Variants in NPR1 observed in about 807,000 individuals in gnomAD.
The protein encoded by NPR1 is natriuretic peptide receptor 1.
Under a neutral mutation model 116.9 loss-of-function variants are expected in NPR1, and 57 were observed. The ratio of observed to expected loss-of-function variants is 0.49; its 90% CI spans 0.39 to 0.61. The LOEUF (loss-of-function observed/expected upper bound fraction) is 0.61, where lower values mean the gene tolerates loss of function less well. Ranked by LOEUF, NPR1 falls within the 20% of genes least tolerant of loss-of-function variation. The pLI is 0.00. For synonymous variants in NPR1, 555 were observed against 601.6 expected (o/e 0.92, Z 1.13); for missense variants, 1,096 against 1,409.8 (o/e 0.78, Z 3.56).
chr1:153,688,811 C>T lies in NPR1; in HGVS notation c.2418-142C>T, dbSNP rs967417442. 3.7e-5 allele frequency: 36 copies of T among 962,180 alleles called. No individual in the cohort carries two copies. In the African/African-American group the frequency reaches 5.2e-4, roughly 14 times the overall value. The allele number at this position is 962,180 out of a possible 1,614,324, so 59.6% of individuals were successfully genotyped here. A position where few individuals can be genotyped will look rare whatever the true frequency, so the allele number is the denominator to read the frequency against. On this transcript the variant is annotated intron_variant, in intron 15 of 21. Coordinates refer to ENST00000368680, the MANE Select transcript of NPR1 (RefSeq NM_000906.4). ...TCTTCCTTCTGTTTTCCCCTGCTCC[C>T]CGGTATCCTGCTATGCCCTCAACCC...
At chr1:153,684,386 C>CTTTT (rs58272090) in intron 7 of NPR1, among the ~76,000 whole-genome samples, 2,045 of 88,952 alleles carry the variant, frequency 0.023, no homozygotes, top group Non-Finnish European at 0.029. Context: ...TTCTTTCTTT[C>CTTTT]TTTTTTTTTT....
Position 153,693,534 on chromosome 1 carries a change from C to A in NPR1, c.*120C>A. 1 of 855,640 alleles carries A rather than the reference C, an allele frequency of 1.2e-6. No homozygotes were observed. The highest frequency in any genetic ancestry group is 1.8e-6 in the Non-Finnish European group (1 of 548,818). 53.0% of individuals were successfully genotyped at this position (855,640 alleles called of 1,614,324 possible). On this transcript the variant is annotated 3_prime_UTR_variant, in exon 22 of 22. Transcript: ENST00000368680. ...CAAAGGATGGAAGTAATTTGAATAGCTCAGGTGTGCTGACCCCAGTGAAGA... is the reference window on the plus strand; with the variant it reads ...CAAAGGATGGAAGTAATTTGAATAGATCAGGTGTGCTGACCCCAGTGAAGA...
chr1:153,687,835 A>G (rs1171281104), intron 14 of NPR1, 46 bp downstream of exon 14: 1 of 1,533,548 alleles, frequency 6.5e-7, no homozygotes, highest in African/African-American at 1.4e-5. Context: ...GTCTCAACGA[A>G]CCCCAGCCCC....
chr1:153,684,386 CTTTTTTT>C (rs58272090), intron 7 of NPR1, among the ~76,000 whole-genome samples: 6 of 89,014 alleles, frequency 6.7e-5, no homozygotes, highest in Admixed American at 4.9e-4. Flanking sequence ...TTCTTTCTTT[CTTTTTTT>C]TTTTTTTTTT....
At chr1:153,691,557 A>G (rs979207694) in intron 20 of NPR1, among the ~76,000 whole-genome samples, 5 of 152,154 alleles carry the variant, frequency 3.3e-5, no homozygotes, top group Non-Finnish European at 7.4e-5. Context: ...GGGCTGTCAG[A>G]GTACAGCCCC....
Position 153,679,241 on chromosome 1 carries a change from A to G in NPR1, c.133A>G (p.Asn45Asp). 1 of 1,527,920 alleles carries G rather than the reference A, an allele frequency of 6.5e-7. No individual in the cohort carries two copies. The allele number at this position is 1,527,920 out of a possible 1,614,324, so 94.6% of individuals were successfully genotyped here. Residue 45 changes from asparagine to aspartate, a missense_variant, in exon 1 of 22, where the codon AAT (asparagine) becomes GAT (aspartate). Physicochemically the swap from Asn to Asp is conservative, Grantham distance 23. Coordinates refer to ENST00000368680, the MANE Select transcript of NPR1 (RefSeq NM_000906.4). The surrounding 1 kb of genome is among the most constrained non-coding windows in gnomAD (Gnocchi z 4.2). ...GGTAGCCGTGGTACTGCCGCTGGCC[A>G]ATACCTCGTACCCCTGGTCGTGGGC... ...LTVAVVLPLA[N>D]TSYPWSWARV...
intron 15 of NPR1, 147 bp from the exon 16 acceptor site, chr1:153,688,806 G>C: frequency 1.1e-6 from 1 of 901,344 alleles, no homozygotes; most frequent in Non-Finnish European, 1.7e-6. Context: ...GTTTTCCCCT[G>C]CTCCCCGGTA....
Position 153,681,810 on chromosome 1 carries a change from C to T in NPR1, c.1142C>T (p.Thr381Ile). 15 of 1,614,028 alleles carry T rather than the reference C, an allele frequency of 9.3e-6. No individual in the cohort carries two copies. Among genetic ancestry groups the T allele is most frequent in the Non-Finnish European group, 1.2e-5 (14 of 1,180,010 alleles). The change falls in exon 4 of 22, where the codon ACT becomes ATT. Residue 381 changes from threonine to isoleucine, a missense_variant. Physicochemically the swap from Thr to Ile is moderately conservative, Grantham distance 89. Coordinates refer to ENST00000368680, the MANE Select transcript of NPR1 (RefSeq NM_000906.4). The stretch of plus-strand genomic sequence containing the variant: ...ACTGTTACTGATGGGGAGAACATCA[C>T]TCAGCGGATGTGGAACCGAAGCTTT... ...GGTVTDGENI[T>I]QRMWNRSFQG...
At position 153,693,305 on chromosome 1, in the gene NPR1, G is replaced by A. The variant is rs765622877; in HGVS notation, c.3124-47G>A. ...TCCCTAAGGCTCTCATCTGACTGGG[G>A]AAAGGGCATGTGCCACTCCCCAGCC... On this transcript the variant is annotated intron_variant, in intron 21 of 21. Transcript: ENST00000368680. 1.9e-6 allele frequency: 3 copies of A among 1,607,894 alleles called. No individual in the cohort carries two copies. In the East Asian group the frequency reaches 6.7e-5, roughly 36 times the overall value.
chr1:153,683,913 C>G, intron 7 of NPR1, 89 bp downstream of exon 7: 2 of 1,193,008 alleles, frequency 1.7e-6, no homozygotes, highest in Non-Finnish European at 2.5e-6. Flanking sequence ...GGGAAGAGGG[C>G]AGGGGTGAAG....
At chr1:153,688,902 A>G in intron 15 of NPR1, 51 bp from the exon 16 acceptor site, 2 of 1,610,978 alleles carry the variant, frequency 1.2e-6, no homozygotes, top group Non-Finnish European at 1.7e-6. Flanking sequence ...CGCTCACGGT[A>G]GGCTGTGCTG....
intron 13 of NPR1, 98 bp downstream of exon 13, chr1:153,687,454 C>G (rs1669963179): frequency 2.6e-6 from 4 of 1,510,588 alleles, no homozygotes; most frequent in Non-Finnish European, 2.7e-6. Flanking sequence ...CTTGTCCTGA[C>G]TCCAGCCTCA....
In NPR1 at chr1:153,685,004, C is replaced by T. The variant is rs760801548; in HGVS notation, c.1525C>T (p.Arg509Trp). The T allele has an allele frequency of 2.5e-6, 4 of 1,614,010 alleles. No homozygotes were observed. Among genetic ancestry groups the T allele is most frequent in the South Asian group, 2.2e-5 (2 of 91,074 alleles). ...LEKELASELW[R>W]VRWEDVEPSS... ...GAAGGAACTGGCCTCGGAGCTGTGG[C>T]GGGTGCGCTGGGAGGACGTTGAGCC... The change falls in exon 8 of 22, where the codon CGG (arginine) becomes TGG (tryptophan). Residue 509 changes from arginine to tryptophan, a missense_variant. Arg to Trp is a moderately radical substitution (Grantham distance 101). Transcript: ENST00000368680.
At position 153,679,488 on chromosome 1, in the gene NPR1, G is replaced by C; in HGVS notation, c.380G>C (p.Arg127Pro). 1 of 1,539,164 alleles carries C rather than the reference G, an allele frequency of 6.5e-7. No homozygotes were observed. The highest frequency in any genetic ancestry group is 1.2e-5 in the South Asian group (1 of 84,266). ...GCVYAAAPVG[R>P]FTAHWRVPLL... ...GTGTACGCCGCCGCCCCAGTGGGGC[G>C]CTTCACCGCGCACTGGCGGGTCCCG... The change falls in exon 1 of 22, where the codon CGC becomes CCC. Residue 127 changes from arginine (R) to proline (P), a missense_variant. Coordinates refer to ENST00000368680, the MANE Select transcript of NPR1 (RefSeq NM_000906.4). This position sits in a 1 kb window ranked among gnomAD's most constrained non-coding sequence, Gnocchi z 4.2.
In NPR1 at chr1:153,689,949, G is replaced by A; in HGVS notation, c.2901G>A (p.Glu967=). Reference sequence around the variant, plus strand: ...TCCGAATCCGCCACCGGCCCCAGGAGCAGCTGCGCTTGCGCATTGGCATCC... The same window carrying A: ...TCCGAATCCGCCACCGGCCCCAGGAACAGCTGCGCTTGCGCATTGGCATCC... ...RSFRIRHRPQ[E]QLRLRIGIHT... The change falls in exon 19 of 22, where the codon GAG becomes GAA. Residue 967 remains glutamate (E), a synonymous_variant. Transcript: ENST00000368680. This position sits in a 1 kb window ranked among gnomAD's most constrained non-coding sequence, Gnocchi z 5.1. The A allele has an allele frequency of 1.3e-6, 2 of 1,544,188 alleles. No homozygotes were observed. The highest frequency in any genetic ancestry group is 1.8e-6 in the Non-Finnish European group (2 of 1,141,766).
chr1:153,684,290 A>C (rs1356194784), intron 7 of NPR1, among the ~76,000 whole-genome samples: 1 of 152,010 alleles, frequency 6.6e-6, no homozygotes, highest in African/African-American at 2.4e-5. Context: ...GGAGGAGTTA[A>C]TGATATACAA....
At position 153,681,278 on chromosome 1, in the gene NPR1, C is replaced by T. The variant is rs181887170; in HGVS notation, c.1020C>T (p.Thr340=). The change falls in exon 3 of 22, where the codon ACC becomes ACT. Residue 340 remains threonine, a synonymous_variant. Transcript: ENST00000368680. ...KHLAYEQFNF[T]MEDGLVNTIP... is the part of the protein sequence containing the mutation. The stretch of plus-strand genomic sequence containing the variant: ...TGGCCTATGAGCAGTTCAACTTCAC[C>T]ATGGAGGATGGCCTGGTAAGAAGGG... 1.2e-6 allele frequency: 2 copies of T among 1,607,630 alleles called. No individual in the cohort carries two copies. Among genetic ancestry groups the T allele is most frequent in the East Asian group, 4.5e-5 (2 of 44,852 alleles).
In NPR1 at chr1:153,693,950, C is replaced by T. The variant is rs776519004; in HGVS notation, c.*536C>T. 4.8e-5 allele frequency: 19 copies of T among 396,742 alleles called. No homozygotes were observed. The highest frequency in any genetic ancestry group is 8.4e-5 in the Non-Finnish European group (19 of 225,548). 24.6% of individuals were successfully genotyped at this position (396,742 alleles called of 1,614,324 possible). A position where few individuals can be genotyped will look rare whatever the true frequency, so the allele number is the denominator to read the frequency against. ...AAGGGTTGGGGGCCTGTATGCCTTGCTTCTACCATGAGCAGAGACAATTAA... is the reference window on the plus strand; with the variant it reads ...AAGGGTTGGGGGCCTGTATGCCTTGTTTCTACCATGAGCAGAGACAATTAA... On this transcript the variant is annotated 3_prime_UTR_variant, in exon 22 of 22. Transcript: ENST00000368680.
At position 153,693,350 on chromosome 1, in the gene NPR1, A is replaced by G. The variant is rs1209137975; in HGVS notation, c.3124-2A>G. On this transcript the variant is annotated splice_acceptor_variant, in intron 21 of 21. Transcript: ENST00000368680. LOFTEE classifies it high-confidence loss of function. Reference sequence around the variant, plus strand: ...CCAGCCCATCCTCTTTTTTCCCTCCAGGGCAAAGGCAAGGTTCGGACCTAC... The same window carrying G: ...CCAGCCCATCCTCTTTTTTCCCTCCGGGGCAAAGGCAAGGTTCGGACCTAC... 6.2e-7 allele frequency: 1 copy of G among 1,612,734 alleles called. No homozygotes were observed. Among genetic ancestry groups the G allele is most frequent in the African/African-American group, 1.3e-5 (1 of 74,854 alleles).
Sources: gnomAD v4.1 joint callset for allele counts (sites outside exome capture counted in the v4.1 genomes callset) on GRCh38, gnomAD v4.1.1 for gene constraint, Gnocchi (gnomAD v3.1) non-coding constraint, MANE v1.5 for transcripts, NCBI Gene and HGNC (gene_info 2026-07-23, HGNC 2026-07-21) for gene names.